Variants in CSGALNACT1 observed in about 807,000 individuals in gnomAD.
The protein encoded by CSGALNACT1 is chondroitin sulfate N-acetylgalactosaminyltransferase 1.
CSGALNACT1 carries 52 observed loss-of-function variants against 51.0 expected under a neutral mutation model. The observed-to-expected ratio is 1.02, with a 90% CI of 0.82 to 1.29. The LOEUF (loss-of-function observed/expected upper bound fraction) is 1.29, where lower values mean the gene tolerates loss of function less well. Among genes scored for constraint, CSGALNACT1 ranks in the 50% most tolerant of loss-of-function variants. The probability of loss-of-function intolerance (pLI) is 0.00; values close to 1 mark genes in which losing one functional copy is unlikely to be tolerated. For synonymous variants in CSGALNACT1, 341 were observed against 254.4 expected, an observed-to-expected ratio of 1.34 and a Z score of -3.24; for missense variants, 935 against 679.2, an observed-to-expected ratio of 1.38 and a Z score of -4.19.
At chr8:19,585,654 C>T (rs13255998) in intron 3 of CSGALNACT1, among the ~76,000 whole-genome samples, 70,457 of 152,040 alleles carry the variant, frequency 0.46, 17,920 homozygotes, top group East Asian at 0.61. Context: ...GTGCCACTTC[C>T]TGCCTGGCTT....
At chr8:19,466,238 C>T (rs2066639400) in intron 4 of CSGALNACT1, among the ~76,000 whole-genome samples, 1 of 152,156 alleles carries the variant, frequency 6.6e-6, no homozygotes, top group African/African-American at 2.4e-5. Context: ...TACTGTCAGG[C>T]AACCAACTGA....
chr8:19,743,619 T>C lies in CSGALNACT1; in HGVS notation c.-297+14231A>G, dbSNP rs145435350. On this transcript the variant is annotated intron_variant, in intron 1 of 1. Coordinates refer to the CSGALNACT1 transcript ENST00000517494. ...ACATGGACTTTCAGTGATGGTGGTT[T>C]GATATCTAAAAATACTCTTTTCATC... is the stretch of plus-strand genomic sequence containing the variant. 3.5e-4 allele frequency among the ~76,000 whole-genome samples: 54 copies of C among 152,350 alleles called. 1 individual carries two copies. In the East Asian group the frequency reaches 0.01, roughly 29 times the overall value.
At chr8:19,624,058 G>T (rs537806533) in intron 1 of CSGALNACT1, among the ~76,000 whole-genome samples, 2 of 152,156 alleles carry the variant, frequency 1.3e-5, no homozygotes, top group African/African-American at 4.8e-5. Flanking sequence ...AGTAAATTAC[G>T]TGCTAAACCC....
chr8:19,455,866 T>C (rs2063974661), intron 5 of CSGALNACT1, among the ~76,000 whole-genome samples: 1 of 152,234 alleles, frequency 6.6e-6, no homozygotes, highest in Admixed American at 6.5e-5. Context: ...CTTCAATTCA[T>C]CTTCTGATCC....
At chr8:19,698,729 A>T (rs1398265013) in intron 1 of CSGALNACT1, among the ~76,000 whole-genome samples, 2 of 152,134 alleles carry the variant, frequency 1.3e-5, no homozygotes, top group Non-Finnish European at 2.9e-5. Context: ...GTAGGAATGC[A>T]AAATGGTGCA....
chr8:19,544,713 G>A (rs548941851), intron 3 of CSGALNACT1, among the ~76,000 whole-genome samples: 6 of 152,148 alleles, frequency 3.9e-5, no homozygotes, highest in Non-Finnish European at 7.4e-5. Context: ...AATTCCAGGG[G>A]TGAATTAATA....
intron 4 of CSGALNACT1, among the ~76,000 whole-genome samples, chr8:19,504,749 C>A (rs1260325625): frequency 6.6e-6 from 1 of 152,176 alleles, no homozygotes; most frequent in Non-Finnish European, 1.5e-5. Context: ...TAAATTACAC[C>A]TCCATTTCCT....
chr8:19,628,285 A>G (rs2054711774), intron 1 of CSGALNACT1, among the ~76,000 whole-genome samples: 2 of 152,198 alleles, frequency 1.3e-5, no homozygotes. Flanking sequence ...AAGGCCAAGG[A>G]GAAGTAAGGT....
At chr8:19,691,865 C>T (rs1589542121) in intron 1 of CSGALNACT1, among the ~76,000 whole-genome samples, 1 of 151,972 alleles carries the variant, frequency 6.6e-6, no homozygotes, top group East Asian at 1.9e-4. Flanking sequence ...TCTCCAGCCC[C>T]CACCCAGACC....
At chr8:19,598,063 G>A (rs907240948) in intron 2 of CSGALNACT1, among the ~76,000 whole-genome samples, 2 of 152,206 alleles carry the variant, frequency 1.3e-5, no homozygotes, top group Admixed American at 6.5e-5. Flanking sequence ...AAGAGGAAGG[G>A]GAAGGCACTG....
intron 6 of CSGALNACT1, 25 bp from the exon 6 acceptor site, chr8:19,420,543 C>T (rs771655688): frequency 6.2e-7 from 1 of 1,610,412 alleles, no homozygotes; most frequent in East Asian, 2.2e-5. Context: ...CAGGTACTGT[C>T]ACTCACATTC....
chr8:19,591,393 C>A (rs2154133601), intron 2 of CSGALNACT1: 1 of 152,162 alleles, frequency 6.6e-6, no homozygotes, highest in South Asian at 2.1e-4. Context: ...GTGAGCTATT[C>A]AAAATAATTC....
chr8:19,646,857 G>T (rs975230147), intron 1 of CSGALNACT1, among the ~76,000 whole-genome samples: 1 of 152,116 alleles, frequency 6.6e-6, no homozygotes. Flanking sequence ...TAAAGAGGGG[G>T]ATAAGAGACA....
intron 1 of CSGALNACT1, among the ~76,000 whole-genome samples, chr8:19,633,902 C>A (rs763907751): frequency 6.6e-6 from 1 of 152,082 alleles, no homozygotes; most frequent in Non-Finnish European, 1.5e-5. Context: ...GAGACTGGGG[C>A]CCAACCTTGC....
chr8:19,657,383 G>A (rs1307225435), intron 1 of CSGALNACT1, among the ~76,000 whole-genome samples: 7 of 152,132 alleles, frequency 4.6e-5, no homozygotes, highest in Admixed American at 4.6e-4. Flanking sequence ...ATGGATCAGA[G>A]GCAAGATGTG....
chr8:19,464,779 T>G (rs1481279354), intron 4 of CSGALNACT1, among the ~76,000 whole-genome samples: 1 of 152,084 alleles, frequency 6.6e-6, no homozygotes. Context: ...ACCACCACCT[T>G]CCCCTTGTTG....
intron 3 of CSGALNACT1, among the ~76,000 whole-genome samples, chr8:19,526,677 T>C (rs555813140): frequency 6.6e-6 from 1 of 152,242 alleles, no homozygotes; most frequent in Admixed American, 6.5e-5. Context: ...CACAATCCAA[T>C]GGCGATCAAT....
chr8:19,671,785 G>C (rs2059811982), intron 1 of CSGALNACT1, among the ~76,000 whole-genome samples: 1 of 152,096 alleles, frequency 6.6e-6, no homozygotes, highest in African/African-American at 2.4e-5. Flanking sequence ...TCTAAATTGA[G>C]AATATAGATT....
chr8:19,721,782 T>C (rs185483645), intron 1 of CSGALNACT1, among the ~76,000 whole-genome samples: 5 of 152,368 alleles, frequency 3.3e-5, no homozygotes, highest in African/African-American at 1.2e-4. Flanking sequence ...GCACGATATA[T>C]GCAAATTAAA....
Sources: gnomAD v4.1 joint callset for allele counts (sites outside exome capture counted in the v4.1 genomes callset) on GRCh38, gnomAD v4.1.1 for gene constraint, MANE v1.5 for transcripts, NCBI Gene and HGNC (gene_info 2026-07-23, HGNC 2026-07-21) for gene names.